Variants in PARVB observed in about 807,000 individuals in gnomAD.
PARVB encodes the protein beta-parvin.
Under a neutral mutation model 47.0 loss-of-function variants are expected in PARVB, and 46 were observed. The ratio of observed to expected loss-of-function variants is 0.98; its 90% CI spans 0.77 to 1.25. The LOEUF (loss-of-function observed/expected upper bound fraction) is 1.25, where lower values mean the gene tolerates loss of function less well. PARVB is among the 50% of genes most tolerant of loss of function. The pLI, the probability that PARVB is intolerant of heterozygous loss-of-function variation, is 0.00. For synonymous variants in PARVB, 196 were observed against 196.3 expected, an observed-to-expected ratio of 1.00 and a Z score of 0.01; for missense variants, 473 against 471.6, an observed-to-expected ratio of 1.00 and a Z score of -0.03.
At chr22:44,018,780 G>A (rs1275479493) in intron 2 of PARVB, among the ~76,000 whole-genome samples, 3 of 152,084 alleles carry the variant, frequency 2.0e-5, no homozygotes, top group Admixed American at 6.6e-5. Flanking sequence ...CCTTTCCATC[G>A]CCCCCGTTCT....
At chr22:44,110,998 A>G (rs751443305) in intron 3 of PARVB, 15 of 152,226 alleles carry the variant, frequency 9.9e-5, no homozygotes, top group Middle Eastern at 3.2e-3. Context: ...TGAACTGCCA[A>G]AGTAATATAT....
At chr22:44,131,434 G>C in intron 4 of PARVB, 53 bp from the exon 5 acceptor site, 3 of 1,595,384 alleles carry the variant, frequency 1.9e-6, no homozygotes, top group Non-Finnish European at 1.7e-6. Context: ...GAGCCACTGC[G>C]CCTGGCCCTT....
At chr22:44,071,016 T>A (rs1398979496) in intron 1 of PARVB, among the ~76,000 whole-genome samples, 1 of 152,016 alleles carries the variant, frequency 6.6e-6, no homozygotes, top group African/African-American at 2.4e-5. Flanking sequence ...CTTGGCCTGG[T>A]GGGGTAGGAG....
chr22:44,117,501 G>A (rs1324105793), intron 3 of PARVB, among the ~76,000 whole-genome samples: 1 of 152,186 alleles, frequency 6.6e-6, no homozygotes, highest in East Asian at 1.9e-4. Flanking sequence ...AGCCCGGGGT[G>A]GAAGCAGGGT....
At chr22:44,140,439 G>A in intron 8 of PARVB, 2 of 700,948 alleles carry the variant, frequency 2.9e-6, no homozygotes, top group South Asian at 1.4e-5. Context: ...GAACTGTCAG[G>A]GGCTGGAGCA....
chr22:44,168,722 G>T lies in PARVB; in HGVS notation c.*44G>T. On this transcript the variant is annotated 3_prime_UTR_variant, in exon 13 of 13. Coordinates refer to ENST00000338758, the MANE Select transcript of PARVB (RefSeq NM_013327.5). The stretch of plus-strand genomic sequence containing the variant: ...TGGCAGGAGTGTCCCAGCAAGAAAG[G>T]CGGCATCCGTCTGTGCCCTGTGCCT... 2.9e-6 allele frequency: 4 copies of T among 1,368,824 alleles called. No individual in the cohort carries two copies. The highest frequency in any genetic ancestry group is 4.2e-6 in the Non-Finnish European group (4 of 956,720). 84.8% of individuals were successfully genotyped at this position (1,368,824 alleles called of 1,614,324 possible). A position where few individuals can be genotyped will look rare whatever the true frequency, so the allele number is the denominator to read the frequency against.
At chr22:44,035,525 C>T (rs543635196) in intron 1 of PARVB, among the ~76,000 whole-genome samples, 8 of 152,156 alleles carry the variant, frequency 5.3e-5, no homozygotes, top group African/African-American at 1.4e-4. Flanking sequence ...CATGTGCCAC[C>T]GTGCCCGGCT....
At chr22:44,070,474 G>A (rs1209829928) in intron 1 of PARVB, among the ~76,000 whole-genome samples, 3 of 152,176 alleles carry the variant, frequency 2.0e-5, no homozygotes, top group Admixed American at 6.5e-5. Context: ...GGAGAGGGAC[G>A]CTGTGCCTGG....
At chr22:44,166,532 G>T (rs569641180) in intron 12 of PARVB, among the ~76,000 whole-genome samples, 1 of 152,230 alleles carries the variant, frequency 6.6e-6, no homozygotes, top group Non-Finnish European at 1.5e-5. Context: ...CTCATCTGCC[G>T]CTGGACGGCA....
chr22:44,001,600 C>T (rs1306347608), intron 2 of PARVB, among the ~76,000 whole-genome samples: 4 of 152,172 alleles, frequency 2.6e-5, no homozygotes, highest in Non-Finnish European at 5.9e-5. Flanking sequence ...GTCAGTACAT[C>T]GGAAGTGGGA....
At chr22:44,157,032 T>C (rs946096503) in intron 10 of PARVB, among the ~76,000 whole-genome samples, 61 of 152,260 alleles carry the variant, frequency 4.0e-4, no homozygotes, top group Non-Finnish European at 7.3e-5. Context: ...TTTCAGCTTA[T>C]GTATATTTTA....
At chr22:44,032,356 C>A (rs892525759) in intron 1 of PARVB, among the ~76,000 whole-genome samples, 48 of 152,162 alleles carry the variant, frequency 3.2e-4, no homozygotes, top group Non-Finnish European at 4.4e-5. Flanking sequence ...GATGTTCTGA[C>A]TAAGAGTGTC....
At chr22:44,153,823 A>G (rs1328075454) in intron 10 of PARVB, among the ~76,000 whole-genome samples, 1 of 152,078 alleles carries the variant, frequency 6.6e-6, no homozygotes, top group Non-Finnish European at 1.5e-5. Context: ...AGTGTATCTC[A>G]TCAGCGGGAA....
chr22:44,119,257 G>A (rs1308576295), intron 4 of PARVB, 117 bp downstream of exon 4: 1 of 738,934 alleles, frequency 1.4e-6, no homozygotes, highest in African/African-American at 1.7e-5. Flanking sequence ...GACACTCAAA[G>A]CTGCAGTGTG....
chr22:44,127,992 C>A (rs759417498), intron 4 of PARVB, among the ~76,000 whole-genome samples: 6 of 152,158 alleles, frequency 3.9e-5, no homozygotes, highest in Non-Finnish European at 7.4e-5. Flanking sequence ...TGCCATGTTG[C>A]CCAGGCTAGT....
intron 4 of PARVB, among the ~76,000 whole-genome samples, chr22:44,128,048 G>A (rs2053227606): frequency 6.6e-6 from 1 of 152,208 alleles, no homozygotes; most frequent in Non-Finnish European, 1.5e-5. Flanking sequence ...CTCCCAAAGT[G>A]CAGGGATCAC....
intron 1 of PARVB, among the ~76,000 whole-genome samples, chr22:44,039,436 G>A (rs2050978097): frequency 6.6e-6 from 1 of 152,066 alleles, no homozygotes; most frequent in African/African-American, 2.4e-5. Flanking sequence ...AGCTACTTGG[G>A]AGGCTGAGGC....
intron 10 of PARVB, chr22:44,152,613 G>C (rs1050313417): frequency 1.2e-4 from 19 of 152,304 alleles, no homozygotes; most frequent in Admixed American, 8.5e-4. Flanking sequence ...TGTCCCCCTG[G>C]TAGGTATGTA....
intron 1 of PARVB, among the ~76,000 whole-genome samples, chr22:44,036,840 T>G (rs1368916285): frequency 6.6e-6 from 1 of 151,676 alleles, no homozygotes; most frequent in Non-Finnish European, 1.5e-5. Context: ...GGCGTGGTGG[T>G]GCACGTCTGT....
Sources: gnomAD v4.1 joint callset for allele counts (sites outside exome capture counted in the v4.1 genomes callset) on GRCh38, gnomAD v4.1.1 for gene constraint, MANE v1.5 for transcripts, NCBI Gene and HGNC (gene_info 2026-07-23, HGNC 2026-07-21) for gene names.